DIPK1C: variants seen among roughly 807,000 people sequenced by gnomAD.
The protein encoded by DIPK1C is divergent protein kinase domain 1C, also known as familial non-conventional Alzheimer's dementia.
Under a neutral mutation model 28.0 loss-of-function variants are expected in DIPK1C, and 33 were observed. The observed-to-expected ratio is 1.18, with a 90% CI of 0.89 to 1.58. DIPK1C has a LOEUF of 1.58. Among genes scored for constraint, DIPK1C ranks in the 40% most tolerant of loss-of-function variants. The pLI is 0.00. For missense variants in DIPK1C, 569 were observed against 568.5 expected (o/e 1.00, Z -0.01); for synonymous variants, 255 against 248.8 (o/e 1.02, Z -0.23).
intron 1 of DIPK1C, among the ~76,000 whole-genome samples, chr18:74,455,196 A>G (rs1339581276): frequency 6.6e-6 from 1 of 152,198 alleles, no homozygotes; most frequent in Admixed American, 6.5e-5. Flanking sequence ...AATGCTGGGA[A>G]AGTCATGATT....
chr18:74,448,000 C>T lies in DIPK1C; in HGVS notation c.199-717G>A, dbSNP rs1255934496. Among the ~76,000 whole-genome samples, 3 of 152,016 alleles carry T rather than the reference C, an allele frequency of 2.0e-5. No individual in the cohort carries two copies. Among genetic ancestry groups the T allele is most frequent in the Non-Finnish European group, 4.4e-5 (3 of 67,986 alleles). On this transcript the variant is annotated intron_variant, in intron 1 of 3. Transcript: ENST00000343998. This position sits in a 1 kb window ranked among gnomAD's most constrained non-coding sequence, Gnocchi z 4.1. ...TCTGAGCGGCGGTGAGCAAGGCTGT[C>T]CAGGAGCCCCCGGATGGGGTGTTTC...
rs1338518770 is a variant in DIPK1C at position 74,457,207 on chromosome 18, C to T, written c.53G>A (p.Gly18Glu). 3.4e-6 allele frequency: 4 copies of T among 1,189,754 alleles called. No individual in the cohort carries two copies. The African/African-American group carries it at 4.8e-5, about 14-fold the overall frequency. 73.7% of individuals were successfully genotyped at this position (1,189,754 alleles called of 1,614,324 possible). A position where few individuals can be genotyped will look rare whatever the true frequency, so the allele number is the denominator to read the frequency against. The change falls in exon 1 of 4, where the codon GGG becomes GAG. Residue 18 changes from glycine to glutamate, a missense_variant. Physicochemically the swap from Gly to Glu is moderately conservative, Grantham distance 98. Coordinates refer to ENST00000343998, the MANE Select transcript of DIPK1C (RefSeq NM_001044369.3). ...RGPAGWCRRR[G>E]RCGRGTLLAF... is the part of the protein sequence containing the mutation. Reference sequence around the variant, plus strand: ...GAGGAGCGTGCCCCGCCCGCAGCGCCCGCGCCTCCTGCACCACCCGGCAGG... The same window carrying T: ...GAGGAGCGTGCCCCGCCCGCAGCGCTCGCGCCTCCTGCACCACCCGGCAGG...
Position 74,455,593 on chromosome 18 carries a change from C to T in DIPK1C, c.198+1469G>A, listed in dbSNP as rs553182740. On this transcript the variant is annotated intron_variant, in intron 1 of 3. Coordinates refer to ENST00000343998, the MANE Select transcript of DIPK1C (RefSeq NM_001044369.3). ...ATCGCCTGAGGTTGGGAGTTCGAGACGAGCCTGACCAACATGGACAAACCA... is the reference window on the plus strand; with the variant it reads ...ATCGCCTGAGGTTGGGAGTTCGAGATGAGCCTGACCAACATGGACAAACCA... Among the ~76,000 whole-genome samples, 17 of 152,040 alleles carry T rather than the reference C, an allele frequency of 1.1e-4. No homozygotes were observed. In the East Asian group the frequency reaches 1.9e-3, roughly 17 times the overall value.
At position 74,457,164 on chromosome 18, in the gene DIPK1C, G is replaced by A. The variant is rs1236128045; in HGVS notation, c.96C>T (p.Thr32=). 2.2e-5 allele frequency: 31 copies of A among 1,378,922 alleles called. No individual in the cohort carries two copies. The highest frequency in any genetic ancestry group is 2.9e-5 in the Non-Finnish European group (31 of 1,069,740). The allele number at this position is 1,378,922 out of a possible 1,614,324, so 85.4% of individuals were successfully genotyped here. ...RGTLLAFAAW[T]AGWVLAAALL... ...GCGCGGCCGCCAGCACCCAGCCCGC[G>A]GTCCACGCGGCGAAGGCGAGGAGCG... Residue 32 remains threonine (T), a synonymous_variant, in exon 1 of 4, where the codon ACC becomes ACT. Transcript: ENST00000343998.
At position 74,435,094 on chromosome 18, in the gene DIPK1C, C is replaced by T. The variant is rs972145013; in HGVS notation, c.*1407G>A. Reference sequence around the variant, plus strand: ...TGTGACCCCAAAGTCTGGAAGAAGGCATTCCCGTTTCTCTGGTTTAGAAAG... The same window carrying T: ...TGTGACCCCAAAGTCTGGAAGAAGGTATTCCCGTTTCTCTGGTTTAGAAAG... On this transcript the variant is annotated 3_prime_UTR_variant, in exon 4 of 4. Coordinates refer to ENST00000343998, the MANE Select transcript of DIPK1C (RefSeq NM_001044369.3). 6.6e-6 allele frequency: 1 copy of T among 152,230 alleles called. No homozygotes were observed. The highest frequency in any genetic ancestry group is 2.4e-5 in the African/African-American group (1 of 41,460). The allele number at this position is 152,230 out of a possible 1,614,324, so 9.4% of individuals were successfully genotyped here. A position where few individuals can be genotyped will look rare whatever the true frequency, so the allele number is the denominator to read the frequency against.
rs1484080011 is a variant in DIPK1C, at chr18:74,435,236, C to T, written c.*1265G>A. On this transcript the variant is annotated 3_prime_UTR_variant, in exon 4 of 4. Coordinates refer to ENST00000343998, the MANE Select transcript of DIPK1C (RefSeq NM_001044369.3). ...TGCCAACATGACTTCCTGATTCTCT[C>T]ATCTTTCTCGATTTCCCTTTTCATG... 6.6e-6 allele frequency: 1 copy of T among 152,240 alleles called. No homozygotes were observed. The highest frequency in any genetic ancestry group is 1.5e-5 in the Non-Finnish European group (1 of 68,052). 9.4% of individuals were successfully genotyped at this position (152,240 alleles called of 1,614,324 possible).
chr18:74,453,056 C>T (rs1355078169), intron 1 of DIPK1C, among the ~76,000 whole-genome samples: 1 of 152,212 alleles, frequency 6.6e-6, no homozygotes, highest in Non-Finnish European at 1.5e-5. Flanking sequence ...ATTTGTGCTT[C>T]TCATGGATGT....
the DIPK1C span, among the ~76,000 whole-genome samples, chr18:74,463,207 A>C: frequency 6.6e-6 from 1 of 152,182 alleles, no homozygotes; most frequent in African/African-American, 2.4e-5. Context: ...GGGAAGTGGA[A>C]AACTGAAGAT....
At chr18:74,452,034 G>A (rs1363130745) in intron 1 of DIPK1C, among the ~76,000 whole-genome samples, 1 of 152,202 alleles carries the variant, frequency 6.6e-6, no homozygotes, top group Non-Finnish European at 1.5e-5. Context: ...CAAAGCCTAT[G>A]TAAAATAAAG....
rs139133656 is a variant in DIPK1C at position 74,449,495 on chromosome 18, T to C, written c.199-2212A>G. 3.6e-3 allele frequency among the ~76,000 whole-genome samples: 544 copies of C among 152,324 alleles called. 4 individuals carry two copies. The highest frequency in any genetic ancestry group is 0.013 in the African/African-American group (528 of 41,558). ...GGTATCTAGATATTTTTCAGAACTA[T>C]TTCAGGTAGTACAACAGCCTGAAAG... On this transcript the variant is annotated intron_variant, in intron 1 of 3. Transcript: ENST00000343998.
At chr18:74,438,964 G>C (rs1986058695) in intron 3 of DIPK1C, among the ~76,000 whole-genome samples, 2 of 152,212 alleles carry the variant, frequency 1.3e-5, no homozygotes. Context: ...GGGAGAATGA[G>C]CCCCAGCAGC....
In DIPK1C at chr18:74,447,341, G is replaced by T; in HGVS notation, c.199-58C>A. ...GAGGGCCTGGTGCCATCCGTCTCTC[G>T]GCTCGGGTTAGGGAAGGGGACAGCC... On this transcript the variant is annotated intron_variant, in intron 1 of 3. Transcript: ENST00000343998. The surrounding 1 kb of genome is among the most constrained non-coding windows in gnomAD (Gnocchi z 4.1). The T allele has an allele frequency of 6.9e-7, 1 of 1,453,690 alleles. No homozygotes were observed. The highest frequency in any genetic ancestry group is 1.4e-5 in the South Asian group (1 of 72,036). 90.0% of individuals were successfully genotyped at this position (1,453,690 alleles called of 1,614,324 possible).
rs531502086 is a variant in DIPK1C at position 74,437,391 on chromosome 18, A to G, written c.1042-672T>C. Among the ~76,000 whole-genome samples the G allele has an allele frequency of 4.6e-5, 7 of 152,356 alleles. No individual in the cohort carries two copies. The South Asian group carries it at 1.2e-3, about 27-fold the overall frequency. On this transcript the variant is annotated intron_variant, in intron 3 of 3. Coordinates refer to ENST00000343998, the MANE Select transcript of DIPK1C (RefSeq NM_001044369.3). ...ACACTCTCTTTAATTCTAATCGGGT[A>G]TGAAATTCAGTGATGCTGAGGATCA... is the stretch of plus-strand genomic sequence containing the variant.
Position 74,447,257 on chromosome 18 carries a change from C to T in DIPK1C, c.225G>A (p.Leu75=). 1.9e-6 allele frequency: 3 copies of T among 1,542,932 alleles called. No individual in the cohort carries two copies. Among genetic ancestry groups the T allele is most frequent in the Non-Finnish European group, 2.6e-6 (3 of 1,142,550 alleles). Residue 75 remains leucine, a synonymous_variant, in exon 2 of 4, where the codon CTG becomes CTA. Transcript: ENST00000343998. The surrounding 1 kb of genome is among the most constrained non-coding windows in gnomAD (Gnocchi z 4.1). ...ALCQDYQGGT[L]AGDLCEDLCV... Reference sequence around the variant, plus strand: ...ACAGGTCCTCGCAGAGGTCCCCGGCCAGCGTGCCGCCCTGGTAGTCCTGGC... The same window carrying T: ...ACAGGTCCTCGCAGAGGTCCCCGGCTAGCGTGCCGCCCTGGTAGTCCTGGC...
chr18:74,442,191 C>A, intron 2 of DIPK1C, 75 bp from the exon 3 acceptor site: 1 of 1,559,770 alleles, frequency 6.4e-7, no homozygotes, highest in Non-Finnish European at 8.7e-7. Context: ...TTCACAACTT[C>A]TGTTCACCTC....
At chr18:74,457,995 G>C (rs945194289), upstream of DIPK1C, 1 of 152,296 alleles carries the variant, frequency 6.6e-6, no homozygotes, top group Non-Finnish European at 1.5e-5. Context: ...GTTACCCCGG[G>C]GAGGAGAACA....
intron 2 of DIPK1C, among the ~76,000 whole-genome samples, chr18:74,442,354 A>C (rs1436933204): frequency 6.6e-6 from 1 of 151,760 alleles, no homozygotes; most frequent in Non-Finnish European, 1.5e-5. Flanking sequence ...ATTGAGACGG[A>C]GTCTCACTCT....
Position 74,447,092 on chromosome 18 carries a change from C to A in DIPK1C, c.390G>T (p.Leu130=). 1 of 1,550,530 alleles carries A rather than the reference C, an allele frequency of 6.4e-7. No individual in the cohort carries two copies. Among genetic ancestry groups the A allele is most frequent in the Non-Finnish European group, 8.7e-7 (1 of 1,146,960 alleles). Residue 130 remains leucine, a synonymous_variant, in exon 2 of 4, where the codon CTG becomes CTT. Transcript: ENST00000343998. The surrounding 1 kb of genome is among the most constrained non-coding windows in gnomAD (Gnocchi z 4.1). ...EAFSSFPPLS[L]LEEEAGEGGQ... Reference sequence around the variant, plus strand: ...CACCCTCCCCTGCCTCCTCTTCCAACAGGCTGAGGGGCGGGAAGCTGGAGA... The same window carrying A: ...CACCCTCCCCTGCCTCCTCTTCCAAAAGGCTGAGGGGCGGGAAGCTGGAGA...
At chr18:74,462,985 T>C in the DIPK1C span, among the ~76,000 whole-genome samples, 1 of 152,210 alleles carries the variant, frequency 6.6e-6, no homozygotes, top group African/African-American at 2.4e-5. Context: ...CTCTCAACTT[T>C]GTGGCACTGC....
Sources: gnomAD v4.1 joint callset for allele counts (sites outside exome capture counted in the v4.1 genomes callset) on GRCh38, gnomAD v4.1.1 for gene constraint, Gnocchi (gnomAD v3.1) non-coding constraint, MANE v1.5 for transcripts, NCBI Gene and HGNC (gene_info 2026-07-23, HGNC 2026-07-21) for gene names.